WRNIP1: variants seen among roughly 807,000 people sequenced by gnomAD.
WRNIP1 encodes ATPase WRNIP1.
A neutral mutation model predicts 56.1 loss-of-function variants in WRNIP1; 41 were observed. The ratio of observed to expected loss-of-function variants is 0.73; its 90% CI spans 0.57 to 0.95. WRNIP1 has a LOEUF of 0.95. WRNIP1 is among the 40% of genes least tolerant of loss of function. The pLI, the probability that WRNIP1 is intolerant of heterozygous loss-of-function variation, is 0.00. For missense variants in WRNIP1, 1,170 were observed against 939.4 expected, an observed-to-expected ratio of 1.25 and a Z score of -3.21; for synonymous variants, 547 against 398.1, an observed-to-expected ratio of 1.37 and a Z score of -4.45.
chr6:2,766,715 G>C (rs1317328), intron 1 of WRNIP1, among the ~76,000 whole-genome samples: 8 of 152,198 alleles, frequency 5.3e-5, no homozygotes, highest in African/African-American at 1.9e-4. Context: ...ACAAGATGTG[G>C]ACTCTTAGAT....
At position 2,785,557 on chromosome 6, in the gene WRNIP1, G is replaced by A. The variant is rs1050752132; in HGVS notation, c.*275G>A. 9 of 421,874 alleles carry A rather than the reference G, an allele frequency of 2.1e-5. No homozygotes were observed. The highest frequency in any genetic ancestry group is 3.0e-5 in the Non-Finnish European group (7 of 236,264). The allele number at this position is 421,874 out of a possible 1,614,324, so 26.1% of individuals were successfully genotyped here. On this transcript the variant is annotated 3_prime_UTR_variant, in exon 7 of 7. Transcript: ENST00000380773. ...AATGTTATAAGGAATTATCTATTTT[G>A]TCATAGTATTTAAGTCATAATGTCA...
intron 1 of WRNIP1, among the ~76,000 whole-genome samples, chr6:2,767,654 T>G (rs1765082944): frequency 6.6e-6 from 1 of 152,252 alleles, no homozygotes; most frequent in Non-Finnish European, 1.5e-5. Context: ...GCAGTATCAT[T>G]CTTAGTAATT....
rs775850252 is a variant in WRNIP1 at position 2,765,603 on chromosome 6, C to T, written c.-20C>T. 8.0e-6 allele frequency: 12 copies of T among 1,494,550 alleles called. No individual in the cohort carries two copies. The highest frequency in any genetic ancestry group is 7.3e-5 in the African/African-American group (5 of 68,566). 92.6% of individuals were successfully genotyped at this position (1,494,550 alleles called of 1,614,324 possible). ...GGGTTGCTGCGGCCGCGCCGGGCGC[C>T]GGGGAGGGCGGCGGCCGCCATGGAG... On this transcript the variant is annotated 5_prime_UTR_variant, in exon 1 of 7. Transcript: ENST00000380773.
chr6:2,773,755 G>A, intron 3 of WRNIP1: 1 of 937,238 alleles, frequency 1.1e-6, no homozygotes, highest in Non-Finnish European at 1.3e-6. Flanking sequence ...TATATACATA[G>A]TCAAAAACAC....
chr6:2,774,082 G>C (rs1420260178), intron 3 of WRNIP1: 3 of 985,262 alleles, frequency 3.0e-6, no homozygotes, highest in African/African-American at 1.7e-5. Flanking sequence ...AAAGGTAGTG[G>C]AACTCCAGAA....
intron 4 of WRNIP1, among the ~76,000 whole-genome samples, chr6:2,782,455 T>C (rs1024210056): frequency 6.6e-6 from 1 of 152,232 alleles, no homozygotes; most frequent in African/African-American, 2.4e-5. Context: ...CCAACTGTCA[T>C]CTTACCAGCG....
At position 2,766,135 on chromosome 6, in the gene WRNIP1, CGGCGAT is replaced by C. The variant is rs984238283; in HGVS notation, c.519_524del (p.Gly176_Asp177del). 76 of 1,239,886 alleles carry C rather than the reference CGGCGAT, an allele frequency of 6.1e-5. No individual in the cohort carries two copies. The highest frequency in any genetic ancestry group is 7.6e-5 in the Non-Finnish European group (74 of 970,600). The allele number at this position is 1,239,886 out of a possible 1,614,324, so 76.8% of individuals were successfully genotyped here. A position where few individuals can be genotyped will look rare whatever the true frequency, so the allele number is the denominator to read the frequency against. On this transcript the variant is annotated inframe_deletion, in exon 1 of 7. Transcript: ENST00000380773. ...AGGAGGAGGAGGAGGCCGTGGGCGA[CGGCGAT>C]GGCGACGGGGACGCGGACGCGGACG... is the stretch of plus-strand genomic sequence containing the variant.
chr6:2,783,311 C>A (rs917261765), intron 4 of WRNIP1, 95 bp from the exon 5 acceptor site: 3 of 1,363,500 alleles, frequency 2.2e-6, no homozygotes, highest in Non-Finnish European at 2.9e-6. Context: ...GGCCTTTATT[C>A]GTTCAGGCTT....
In WRNIP1 at chr6:2,765,931, C is replaced by A; in HGVS notation, c.309C>A (p.Gly103=). ...AGGGTGAGGAGGGCGACGACGGCGG[C>A]GAGACCGAGAGCCGCGAGAGCTACG... ...EGEGEEGDDG[G]ETESRESYDA... Residue 103 remains glycine (G), a synonymous_variant, in exon 1 of 7, where the codon GGC becomes GGA. Coordinates refer to ENST00000380773, the MANE Select transcript of WRNIP1 (RefSeq NM_020135.3). 6.9e-7 allele frequency: 1 copy of A among 1,450,028 alleles called. No homozygotes were observed. The highest frequency in any genetic ancestry group is 1.5e-5 in the African/African-American group (1 of 68,010). 89.8% of individuals were successfully genotyped at this position (1,450,028 alleles called of 1,614,324 possible).
intron 1 of WRNIP1, among the ~76,000 whole-genome samples, chr6:2,768,380 G>A (rs989227946): frequency 6.6e-6 from 1 of 152,192 alleles, no homozygotes; most frequent in Non-Finnish European, 1.5e-5. Context: ...AATCAAGACA[G>A]CCGTTCTTTA....
chr6:2,765,904 CGAGGGTGAG>C lies in WRNIP1; in HGVS notation c.288_296del (p.Glu97_Gly99del), dbSNP rs755465142. On this transcript the variant is annotated inframe_deletion, in exon 1 of 7. Coordinates refer to ENST00000380773, the MANE Select transcript of WRNIP1 (RefSeq NM_020135.3). ...CGACGGCAGCCGAGAGCAGCGAGGG[CGAGGGTGAG>C]GAGGGCGACGACGGCGGCGAGACCG... The C allele has an allele frequency of 1.6e-5, 23 of 1,456,162 alleles. No individual in the cohort carries two copies. The highest frequency in any genetic ancestry group is 6.6e-5 in the South Asian group (5 of 76,072). The allele number at this position is 1,456,162 out of a possible 1,614,324, so 90.2% of individuals were successfully genotyped here.
rs1764961887 is a variant in WRNIP1, at chr6:2,766,141, T to C, written c.519T>C (p.Asp173=). Residue 173 remains aspartate (D), a synonymous_variant, in exon 1 of 7, where the codon GAT becomes GAC. Coordinates refer to ENST00000380773, the MANE Select transcript of WRNIP1 (RefSeq NM_020135.3). The part of the protein sequence containing the change: ...QEEEEAVGDG[D]GDGDADADGE... The stretch of plus-strand genomic sequence containing the variant: ...AGGAGGAGGCCGTGGGCGACGGCGA[T>C]GGCGACGGGGACGCGGACGCGGACG... 4.8e-6 allele frequency: 6 copies of C among 1,241,178 alleles called. No individual in the cohort carries two copies. Among genetic ancestry groups the C allele is most frequent in the South Asian group, 2.2e-5 (1 of 45,200 alleles). The allele number at this position is 1,241,178 out of a possible 1,614,324, so 76.9% of individuals were successfully genotyped here.
intron 3 of WRNIP1, 105 bp downstream of exon 3, chr6:2,770,466 A>G (rs1765232909): frequency 6.8e-7 from 1 of 1,465,688 alleles, no homozygotes; most frequent in Non-Finnish European, 9.1e-7. Context: ...GTGGGGACAG[A>G]GAAGAAATGT....
At chr6:2,784,554 T>C (rs1419096843) in intron 6 of WRNIP1, 151 bp downstream of exon 6, 2 of 761,100 alleles carry the variant, frequency 2.6e-6, no homozygotes, top group Admixed American at 5.1e-5. Flanking sequence ...TTGTAGACTC[T>C]TAGACTCCTA....
At chr6:2,773,377 C>T in intron 3 of WRNIP1, 1 of 985,366 alleles carries the variant, frequency 1.0e-6, no homozygotes. Flanking sequence ...AGAGAAGCAG[C>T]ATTCAGAATA....
chr6:2,780,877 C>G (rs1223735366), intron 4 of WRNIP1, among the ~76,000 whole-genome samples: 1 of 152,114 alleles, frequency 6.6e-6, no homozygotes, highest in African/African-American at 2.4e-5. Flanking sequence ...CACTTGAGAT[C>G]CATATAACAT....
At chr6:2,779,902 A>G (rs972027486) in intron 4 of WRNIP1, among the ~76,000 whole-genome samples, 7 of 152,250 alleles carry the variant, frequency 4.6e-5, no homozygotes, top group African/African-American at 1.7e-4. Flanking sequence ...ATTAGTTTTA[A>G]TTGAGAATTA....
intron 1 of WRNIP1, 129 bp downstream of exon 1, chr6:2,766,573 T>C: frequency 5.8e-6 from 8 of 1,382,248 alleles, no homozygotes; most frequent in Non-Finnish European, 7.5e-6. Context: ...GGTGCAGACT[T>C]GGGCTGGGCT....
chr6:2,771,766 G>A (rs1281359242), intron 3 of WRNIP1, among the ~76,000 whole-genome samples: 3 of 152,166 alleles, frequency 2.0e-5, no homozygotes, highest in African/African-American at 4.8e-5. Flanking sequence ...GGATACTCAT[G>A]TGTAGGTTTC....
Sources: allele counts gnomAD v4.1 joint callset (sites outside exome capture counted in the v4.1 genomes callset), GRCh38; gene constraint gnomAD v4.1.1; transcripts MANE v1.5; gene names NCBI Gene and HGNC (gene_info 2026-07-23, HGNC 2026-07-21).